NRXN2: variants seen among roughly 807,000 people sequenced by gnomAD.
NRXN2 encodes neurexin 2, also known as neurexin-2-beta.
A neutral mutation model predicts 128.8 loss-of-function variants in NRXN2; 29 were observed. The ratio of observed to expected loss-of-function variants is 0.23; its 90% CI spans 0.17 to 0.31. The LOEUF (loss-of-function observed/expected upper bound fraction) is 0.31. Among genes scored for constraint, NRXN2 ranks in the 10% least tolerant of loss-of-function variants. The probability of loss-of-function intolerance (pLI) is 1.00; values close to 1 mark genes in which losing one functional copy is unlikely to be tolerated. For synonymous variants in NRXN2, 1,098 were observed against 1,075.2 expected (o/e 1.02, Z -0.41); for missense variants, 1,881 against 2,452.6 (o/e 0.77, Z 4.92).
chr11:64,666,112 A>T (rs1037632869), intron 9 of NRXN2, among the ~76,000 whole-genome samples: 1 of 151,942 alleles, frequency 6.6e-6, no homozygotes, highest in African/African-American at 2.4e-5. Context: ...GACAGCCAAG[A>T]TCGTCTCTTT....
chr11:64,653,584 C>T lies in NRXN2; in HGVS notation c.2416+112G>A, dbSNP rs1157454998. On this transcript the variant is annotated intron_variant, in intron 12 of 22. Coordinates refer to ENST00000265459, the MANE Select transcript of NRXN2 (RefSeq NM_015080.4). ...CTCCCCACACTCAAGGCCCAACCCC[C>T]ATTCGAGCCAGCAATCACGGCTTCT... The T allele has an allele frequency of 1.9e-5, 21 of 1,083,598 alleles. No homozygotes were observed. In the South Asian group the frequency reaches 2.5e-4, roughly 13 times the overall value. 67.1% of individuals were successfully genotyped at this position (1,083,598 alleles called of 1,614,324 possible).
intron 22 of NRXN2, among the ~76,000 whole-genome samples, chr11:64,612,033 G>T (rs1179641444): frequency 6.6e-6 from 1 of 152,072 alleles, no homozygotes; most frequent in African/African-American, 2.4e-5. Flanking sequence ...AGGCTCTGGA[G>T]AACCCATGAG....
intron 17 of NRXN2, chr11:64,642,948 T>C (rs1175310784): frequency 9.8e-7 from 1 of 1,020,252 alleles, no homozygotes; most frequent in Non-Finnish European, 1.2e-6. Flanking sequence ...CAAGCCTCGG[T>C]CCGGAGCCAA....
Position 64,714,256 on chromosome 11 carries a change from A to G in NRXN2, c.-244-313T>C, listed in dbSNP as rs1198534213. On this transcript the variant is annotated intron_variant, in intron 1 of 22. Transcript: ENST00000265459. The surrounding 1 kb of genome is among the most constrained non-coding windows in gnomAD (Gnocchi z 4.5). ...CACCCTCTCAAAGGACCCCAGTGTC[A>G]GGAAGGACCAAGGCCAGCTCCTTGA... Among the ~76,000 whole-genome samples, 19 of 152,084 alleles carry G rather than the reference A, an allele frequency of 1.2e-4. No individual in the cohort carries two copies. Among genetic ancestry groups the G allele is most frequent in the Admixed American group, 1.2e-3 (19 of 15,272 alleles).
At chr11:64,671,541 G>A (rs1413646970) in intron 7 of NRXN2, among the ~76,000 whole-genome samples, 2 of 152,114 alleles carry the variant, frequency 1.3e-5, no homozygotes, top group African/African-American at 4.8e-5. Flanking sequence ...GGTGGGGGAG[G>A]AGGGAAGGGA....
intron 5 of NRXN2, 68 bp downstream of exon 5, chr11:64,690,337 C>T (rs2285342): frequency 6.9e-7 from 1 of 1,448,330 alleles, no homozygotes; most frequent in Non-Finnish European, 9.6e-7. Context: ...TGGCTTCCCC[C>T]CAGGAAGCAC....
chr11:64,679,067 C>A (rs1459692439), intron 6 of NRXN2, among the ~76,000 whole-genome samples: 1 of 152,148 alleles, frequency 6.6e-6, no homozygotes, highest in African/African-American at 2.4e-5. Context: ...AGGATTAGTA[C>A]TGGTGGCTGG....
At chr11:64,681,813 T>TGGCAA (rs3031430) in intron 6 of NRXN2, among the ~76,000 whole-genome samples, 1 of 152,078 alleles carries the variant, frequency 6.6e-6, no homozygotes, top group African/African-American at 2.4e-5. Context: ...CTAAGAAAAT[T>TGGCAA]GGATGAGTAT....
intron 9 of NRXN2, chr11:64,661,520 T>C (rs2049027269): frequency 3.5e-6 from 2 of 572,376 alleles, no homozygotes. Flanking sequence ...TTCCTTAGAC[T>C]GGGAACCGGA....
At chr11:64,711,470 G>T (rs1349789752) in intron 2 of NRXN2, among the ~76,000 whole-genome samples, 2 of 152,072 alleles carry the variant, frequency 1.3e-5, no homozygotes, top group African/African-American at 4.8e-5. Flanking sequence ...TCCTCCCAGT[G>T]CTTCCTCTCC....
Position 64,696,589 on chromosome 11 carries a change from G to A in NRXN2, c.748+1186C>T, listed in dbSNP as rs116599346. ...CCTGCCTGCTGGGCCCTGGGGACCTGAGGACCCCCAGGGAAAAGAGACATC... is the reference window on the plus strand; with the variant it reads ...CCTGCCTGCTGGGCCCTGGGGACCTAAGGACCCCCAGGGAAAAGAGACATC... On this transcript the variant is annotated intron_variant, in intron 3 of 22. Transcript: ENST00000265459. 5.6e-3 allele frequency among the ~76,000 whole-genome samples: 837 copies of A among 150,548 alleles called. 9 individuals carry two copies. Among genetic ancestry groups the A allele is most frequent in the African/African-American group, 0.018 (718 of 40,960 alleles).
At chr11:64,652,875 C>A (rs1185069943) in intron 12 of NRXN2, among the ~76,000 whole-genome samples, 2 of 152,140 alleles carry the variant, frequency 1.3e-5, no homozygotes, top group Non-Finnish European at 2.9e-5. Context: ...ACAAAACATA[C>A]TTATCTTTCA....
In NRXN2 at chr11:64,623,078, C is replaced by A. The variant is rs1184956163; in HGVS notation, c.3848G>T (p.Gly1283Val). The A allele has an allele frequency of 6.3e-7, 1 of 1,596,806 alleles. No individual in the cohort carries two copies. Among genetic ancestry groups the A allele is most frequent in the South Asian group, 1.1e-5 (1 of 88,850 alleles). Residue 1283 changes from glycine (G) to valine (V), a missense_variant and splice_region_variant, in exon 21 of 23, where the codon GGC (glycine) becomes GTC (valine). This residue lies in a region of NRXN2 where 390 missense variants were observed against 599.6 expected (regional missense o/e 0.65). Transcript: ENST00000265459. This position sits in a 1 kb window ranked among gnomAD's most constrained non-coding sequence, Gnocchi z 4.9. ...GCTGTTGAAGATGGTCAGCTGGCGG[C>A]CTTGCAGGAGTGGAAGGGGGTGACA... ...RVVDEWLLDKGRQLTIFNSQA... is the reference protein window; with the variant it reads ...RVVDEWLLDKVRQLTIFNSQA...
chr11:64,694,813 G>T (rs1468357393), intron 3 of NRXN2, among the ~76,000 whole-genome samples: 1 of 152,096 alleles, frequency 6.6e-6, no homozygotes, highest in East Asian at 1.9e-4. Context: ...AAGCAGCCTT[G>T]CTCTCAGGAT....
At chr11:64,706,069 T>TATATATATATA (rs2056223852) in intron 2 of NRXN2, among the ~76,000 whole-genome samples, 1 of 91,106 alleles carries the variant, frequency 1.1e-5, no homozygotes, top group East Asian at 3.2e-4. Context: ...CACTTTTATA[T>TATATATATATA]ATATATATAA....
chr11:64,692,916 GA>G, intron 3 of NRXN2, 40 bp from the exon 4 acceptor site: 1 of 1,542,410 alleles, frequency 6.5e-7, no homozygotes, highest in Middle Eastern at 1.7e-4. Context: ...AAGAAAAAAA[GA>G]AGAAGAAAAA....
chr11:64,698,765 G>GA (rs2135609870), intron 2 of NRXN2, among the ~76,000 whole-genome samples: 1 of 152,332 alleles, frequency 6.6e-6, no homozygotes, highest in South Asian at 2.1e-4. Context: ...GGAACAACGA[G>GA]AAGATGGAGA....
In NRXN2 at chr11:64,631,491, A is replaced by C. The variant is rs1342904971; in HGVS notation, c.3586-918T>G. ...GGGAGGGAGGGCTTCACCAAACCCT[A>C]AATCATGCCAGGCCCTGAGTGGGTA... is the stretch of plus-strand genomic sequence containing the variant. On this transcript the variant is annotated intron_variant, in intron 18 of 22. Coordinates refer to ENST00000265459, the MANE Select transcript of NRXN2 (RefSeq NM_015080.4). The surrounding 1 kb of genome is among the most constrained non-coding windows in gnomAD (Gnocchi z 4.8). Among the ~76,000 whole-genome samples, 1 of 152,074 alleles carries C rather than the reference A, an allele frequency of 6.6e-6. No individual in the cohort carries two copies. Among genetic ancestry groups the C allele is most frequent in the Non-Finnish European group, 1.5e-5 (1 of 67,990 alleles).
At chr11:64,690,952 C>T (rs913854003) in intron 4 of NRXN2, among the ~76,000 whole-genome samples, 2 of 152,188 alleles carry the variant, frequency 1.3e-5, no homozygotes, top group Non-Finnish European at 2.9e-5. Context: ...CGTTCAAAAG[C>T]CTGACGCAGA....
Sources: gnomAD v4.1 joint callset for allele counts (sites outside exome capture counted in the v4.1 genomes callset) on GRCh38, gnomAD v4.1.1 for gene constraint, gnomAD v4.1.1 regional missense constraint, Gnocchi (gnomAD v3.1) non-coding constraint, MANE v1.5 for transcripts, NCBI Gene and HGNC (gene_info 2026-07-23, HGNC 2026-07-21) for gene names.